Variants in OSBP2 observed in about 807,000 individuals in gnomAD.
OSBP2 encodes oxysterol binding protein 2.
OSBP2 carries 66 observed loss-of-function variants against 96.0 expected under a neutral mutation model. The ratio of observed to expected loss-of-function variants is 0.69; its 90% CI spans 0.56 to 0.84. The LOEUF (loss-of-function observed/expected upper bound fraction) is 0.84, where lower values mean the gene tolerates loss of function less well. Among genes scored for constraint, OSBP2 ranks in the 40% least tolerant of loss-of-function variants. The probability of loss-of-function intolerance (pLI) is 0.00; values close to 1 mark genes in which losing one functional copy is unlikely to be tolerated. For synonymous variants in OSBP2, 525 were observed against 520.9 expected (o/e 1.01, Z -0.11); for missense variants, 1,038 against 1,222.7 (o/e 0.85, Z 2.25).
intron 2 of OSBP2, among the ~76,000 whole-genome samples, chr22:30,831,386 A>G (rs5753336): frequency 0.17 from 26,018 of 152,082 alleles, 2,758 homozygotes; most frequent in African/African-American, 0.3. Context: ...GTCTCCTGCC[A>G]TTGTGTGGAA....
At chr22:30,831,097 C>G (rs1419968705) in intron 2 of OSBP2, among the ~76,000 whole-genome samples, 2 of 152,172 alleles carry the variant, frequency 1.3e-5, no homozygotes, top group African/African-American at 4.8e-5. Flanking sequence ...GACACATTGC[C>G]AAGAATGCAA....
In OSBP2 at chr22:30,860,268, C is replaced by T. The variant is rs867894391; in HGVS notation, c.854-10161C>T. ...GTTTCTGATTGTATCTCGGAGCAGG[C>T]AGTGGGCAGGCAGATGGGTGGGTTG... On this transcript the variant is annotated intron_variant, in intron 2 of 13. Transcript: ENST00000332585. Among the ~76,000 whole-genome samples, 21 of 152,224 alleles carry T rather than the reference C, an allele frequency of 1.4e-4. 1 individual carries two copies. The highest frequency in any genetic ancestry group is 3.4e-3 in the Middle Eastern group (1 of 294).
intron 1 of OSBP2, among the ~76,000 whole-genome samples, chr22:30,715,794 C>T (rs921474698): frequency 2.0e-5 from 3 of 149,486 alleles, no homozygotes; most frequent in South Asian, 2.1e-4. Context: ...TGACCGCAGG[C>T]GACCTTCCCA....
intron 1 of OSBP2, among the ~76,000 whole-genome samples, chr22:30,736,436 T>C (rs1467314922): frequency 1.3e-5 from 2 of 152,194 alleles, no homozygotes; most frequent in African/African-American, 4.8e-5. Flanking sequence ...TGATGGGGGC[T>C]TGGGGCTTCT....
intron 2 of OSBP2, among the ~76,000 whole-genome samples, chr22:30,768,871 T>A (rs1351728161): frequency 1.3e-5 from 2 of 152,196 alleles, no homozygotes; most frequent in Non-Finnish European, 2.9e-5. Flanking sequence ...AACCTTCACG[T>A]GGATCTGTAG....
intron 3 of OSBP2, among the ~76,000 whole-genome samples, chr22:30,877,472 A>T (rs1218369682): frequency 6.6e-6 from 1 of 152,182 alleles, no homozygotes; most frequent in Non-Finnish European, 1.5e-5. Flanking sequence ...GCACCAGGGT[A>T]TACCTTGTAC....
chr22:30,798,223 T>C (rs1213399512), intron 2 of OSBP2, among the ~76,000 whole-genome samples: 2 of 152,252 alleles, frequency 1.3e-5, no homozygotes, highest in East Asian at 3.8e-4. Context: ...TGGCCATTTG[T>C]GTATCTTCTT....
intron 2 of OSBP2, among the ~76,000 whole-genome samples, chr22:30,830,147 A>G (rs972051784): frequency 1.2e-4 from 19 of 152,216 alleles, no homozygotes; most frequent in African/African-American, 4.6e-4. Context: ...TTTCCTATAA[A>G]GTGCCAGTCA....
intron 3 of OSBP2, among the ~76,000 whole-genome samples, chr22:30,883,316 G>C (rs2039740104): frequency 6.6e-6 from 1 of 152,228 alleles, no homozygotes; most frequent in Non-Finnish European, 1.5e-5. Context: ...ATCCCATCCT[G>C]TTCACCCTGT....
chr22:30,899,838 A>C (rs1211843141), intron 12 of OSBP2, among the ~76,000 whole-genome samples: 1 of 152,244 alleles, frequency 6.6e-6, no homozygotes, highest in African/African-American at 2.4e-5. Flanking sequence ...ATATTAGAAA[A>C]TCCATAGAGT....
intron 1 of OSBP2, among the ~76,000 whole-genome samples, chr22:30,705,040 T>A (rs2089230229): frequency 6.6e-6 from 1 of 152,038 alleles, no homozygotes; most frequent in Admixed American, 6.6e-5. Context: ...AGTGATGGAG[T>A]GGCCTCTTGT....
chr22:30,878,319 G>A (rs2039628843), intron 3 of OSBP2, among the ~76,000 whole-genome samples: 2 of 152,258 alleles, frequency 1.3e-5, no homozygotes, highest in Non-Finnish European at 1.5e-5. Context: ...GCAAGTGCTC[G>A]GAGACCCTTC....
At position 30,890,873 on chromosome 22, in the gene OSBP2, C is replaced by G; in HGVS notation, c.1769C>G (p.Thr590Ser). 6.2e-7 allele frequency: 1 copy of G among 1,613,794 alleles called. No individual in the cohort carries two copies. Among genetic ancestry groups the G allele is most frequent in the Non-Finnish European group, 8.5e-7 (1 of 1,180,042 alleles). ...GCCTTCTCTGTGTCCTCCTACTCCA[C>G]CACAGTGCACCGCATCGCCAAGCCC... ...VAAFSVSSYS[T>S]TVHRIAKPFN... Residue 590 changes from threonine (T) to serine (S), a missense_variant, in exon 8 of 14, where the codon ACC (threonine) becomes AGC (serine). Thr to Ser is a moderately conservative substitution (Grantham distance 58). Around this residue, in one of 3 missense-constraint regions of OSBP2, gnomAD observed 737 missense variants for 913.3 expected, o/e 0.81. Transcript: ENST00000332585. This position sits in a 1 kb window ranked among gnomAD's most constrained non-coding sequence, Gnocchi z 4.4.
intron 2 of OSBP2, among the ~76,000 whole-genome samples, chr22:30,799,082 TTC>T: frequency 6.7e-6 from 1 of 148,970 alleles, no homozygotes; most frequent in African/African-American, 2.5e-5. Context: ...CCTTCCTTCC[TTC>T]CTTCCTTCCT....
Position 30,870,726 on chromosome 22 carries a change from C to G in OSBP2, c.1107+44C>G. On this transcript the variant is annotated intron_variant, in intron 3 of 13. Coordinates refer to ENST00000332585, the MANE Select transcript of OSBP2 (RefSeq NM_030758.4). The surrounding 1 kb of genome is among the most constrained non-coding windows in gnomAD (Gnocchi z 4.1). ...CGCCCTGGCACGGGGCTCCCTGGCT[C>G]CAGCCCCGGGGTCCCTCGGTGGGTG... 1 of 1,595,032 alleles carries G rather than the reference C, an allele frequency of 6.3e-7. No homozygotes were observed. Among genetic ancestry groups the G allele is most frequent in the Non-Finnish European group, 8.6e-7 (1 of 1,167,688 alleles).
At chr22:30,773,540 TG>T (rs2090385034) in intron 2 of OSBP2, among the ~76,000 whole-genome samples, 1 of 152,162 alleles carries the variant, frequency 6.6e-6, no homozygotes, top group Non-Finnish European at 1.5e-5. Context: ...ACAACTGGCT[TG>T]CCACTGAATG....
chr22:30,824,634 T>G (rs2038359209), intron 2 of OSBP2, among the ~76,000 whole-genome samples: 1 of 152,176 alleles, frequency 6.6e-6, no homozygotes, highest in Admixed American at 6.5e-5. Flanking sequence ...GTCCCCAGCA[T>G]GCAAACAGGG....
At chr22:30,837,913 T>C (rs561194701) in intron 2 of OSBP2, among the ~76,000 whole-genome samples, 3 of 152,356 alleles carry the variant, frequency 2.0e-5, no homozygotes, top group Non-Finnish European at 4.4e-5. Context: ...AGCTCACATG[T>C]GCTTTTTGTG....
intron 3 of OSBP2, among the ~76,000 whole-genome samples, chr22:30,882,930 T>G (rs920027824): frequency 6.6e-5 from 10 of 152,232 alleles, no homozygotes; most frequent in South Asian, 2.1e-4. Context: ...CCAGGCACCC[T>G]CAGATGTGAG....
Sources: gnomAD v4.1 joint callset for allele counts (sites outside exome capture counted in the v4.1 genomes callset) on GRCh38, gnomAD v4.1.1 for gene constraint, gnomAD v4.1.1 regional missense constraint, Gnocchi (gnomAD v3.1) non-coding constraint, MANE v1.5 for transcripts, NCBI Gene and HGNC (gene_info 2026-07-23, HGNC 2026-07-21) for gene names.